Variants in RAPGEF2 observed in about 807,000 individuals in gnomAD.
The protein encoded by RAPGEF2 is Rap guanine nucleotide exchange factor 2, also known as PDZ domain containing guanine nucleotide exchange factor (GEF) 1.
In RAPGEF2, 54 loss-of-function variants were observed where a neutral mutation model predicts 186.7. The observed-to-expected ratio is 0.29, with a 90% CI of 0.23 to 0.36. The LOEUF is 0.36. Ranked by LOEUF, RAPGEF2 falls within the 10% of genes least tolerant of loss-of-function variation. The pLI is 1.00. For synonymous variants in RAPGEF2, 712 were observed against 705.9 expected, an observed-to-expected ratio of 1.01 and a Z score of -0.14; for missense variants, 1,532 against 2,045.0, an observed-to-expected ratio of 0.75 and a Z score of 4.84.
Position 159,357,964 on chromosome 4 carries a change from T to C in RAPGEF2, c.4958-150T>C, listed in dbSNP as rs116370226. The C allele has an allele frequency of 1.0e-3, 722 of 698,646 alleles. 5 individuals are homozygous for C. The African/African-American group carries it at 0.012, about 11-fold the overall frequency. 43.3% of individuals were successfully genotyped at this position (698,646 alleles called of 1,614,324 possible). A position where few individuals can be genotyped will look rare whatever the true frequency, so the allele number is the denominator to read the frequency against. Reference sequence around the variant, plus strand: ...AACCTTTTTGTTGTTCGTCATTGTTTAGGAAAAAAAGACAAGGATTCTAAG... The same window carrying C: ...AACCTTTTTGTTGTTCGTCATTGTTCAGGAAAAAAAGACAAGGATTCTAAG... On this transcript the variant is annotated intron_variant, in intron 29 of 29. Coordinates refer to ENST00000691494, the MANE Select transcript of RAPGEF2 (RefSeq NM_001394067.2).
Position 159,359,150 on chromosome 4 carries a change from TTTTTTTG to T in RAPGEF2, c.*1018_*1024del, listed in dbSNP as rs949605755. The T allele has an allele frequency of 2.9e-5, 1 of 35,000 alleles. No homozygotes were observed. The highest frequency in any genetic ancestry group is 9.0e-5 in the Non-Finnish European group (1 of 11,118). The allele number at this position is 35,000 out of a possible 1,614,324, so 2.2% of individuals were successfully genotyped here. The stretch of plus-strand genomic sequence containing the variant: ...TTAGAGGTGTAGGTTTTGTTTTTTG[TTTTTTTG>T]TTTTTTTTTAAGAGAAACATTTATA... On this transcript the variant is annotated 3_prime_UTR_variant, in exon 30 of 30. Transcript: ENST00000691494.
chr4:159,316,869 A>C (rs1284047550), intron 9 of RAPGEF2, among the ~76,000 whole-genome samples: 1 of 152,146 alleles, frequency 6.6e-6, no homozygotes, highest in African/African-American at 2.4e-5. Flanking sequence ...TTTGGATTTG[A>C]GTATGCCTCC....
At chr4:159,295,720 A>AGTGTGTGTGT (rs71589223) in intron 7 of RAPGEF2, among the ~76,000 whole-genome samples, 132 of 134,710 alleles carry the variant, frequency 9.8e-4, no homozygotes, top group Middle Eastern at 4.1e-3. Flanking sequence ...AGAGTGTGTG[A>AGTGTGTGTGT]GTGTGTGTGT....
intron 24 of RAPGEF2, 24 bp downstream of exon 24, chr4:159,345,353 G>T (rs368044661): frequency 1.7e-4 from 269 of 1,606,880 alleles, no homozygotes; most frequent in Non-Finnish European, 2.2e-4. Flanking sequence ...TAAAGTGGCT[G>T]CAGACTTTGG....
At chr4:159,286,775 A>G (rs879468940) in intron 7 of RAPGEF2, among the ~76,000 whole-genome samples, 1 of 152,214 alleles carries the variant, frequency 6.6e-6, no homozygotes, top group Non-Finnish European at 1.5e-5. Flanking sequence ...GATCTCAGCT[A>G]TAGGAGGTTT....
intron 3 of RAPGEF2, among the ~76,000 whole-genome samples, chr4:159,198,316 TTC>T (rs879298259): frequency 4.6e-4 from 23 of 49,930 alleles, no homozygotes; most frequent in East Asian, 1.3e-3. Flanking sequence ...CTTTCTTTCT[TTC>T]TTTCTTTCTT....
chr4:159,180,716 G>T (rs1041208355), intron 1 of RAPGEF2, among the ~76,000 whole-genome samples: 1 of 152,106 alleles, frequency 6.6e-6, no homozygotes, highest in Non-Finnish European at 1.5e-5. Flanking sequence ...ATAATGACAC[G>T]TTTGAAAGTA....
chr4:159,267,537 C>T (rs1467392380), intron 7 of RAPGEF2, among the ~76,000 whole-genome samples: 1 of 152,172 alleles, frequency 6.6e-6, no homozygotes, highest in African/African-American at 2.4e-5. Flanking sequence ...CACTGGTCAC[C>T]ACTCTGTCAG....
intron 4 of RAPGEF2, among the ~76,000 whole-genome samples, chr4:159,232,876 G>T (rs62337454): frequency 9.8e-4 from 149 of 152,180 alleles, no homozygotes; most frequent in Middle Eastern, 3.4e-3. Flanking sequence ...GGTGTGAAAT[G>T]GTATCTTATT....
chr4:159,259,694 A>G (rs1398114849), intron 7 of RAPGEF2, among the ~76,000 whole-genome samples: 1 of 152,200 alleles, frequency 6.6e-6, no homozygotes, highest in Admixed American at 6.5e-5. Flanking sequence ...ACAGTTGTCT[A>G]AAATTATTCA....
intron 1 of RAPGEF2, among the ~76,000 whole-genome samples, chr4:159,126,129 T>G (rs1428959765): frequency 6.6e-6 from 1 of 152,206 alleles, no homozygotes; most frequent in Non-Finnish European, 1.5e-5. Context: ...TATCCTCAAT[T>G]TTTATGTTTT....
At chr4:159,255,936 G>T (rs960492208) in intron 7 of RAPGEF2, among the ~76,000 whole-genome samples, 6 of 152,022 alleles carry the variant, frequency 3.9e-5, no homozygotes, top group African/African-American at 1.4e-4. Flanking sequence ...CAGAAAACAG[G>T]TTTTTTTATA....
At position 159,343,049 on chromosome 4, in the gene RAPGEF2, C is replaced by G. The variant is rs780382793; in HGVS notation, c.2989C>G (p.Leu997Val). The G allele has an allele frequency of 3.1e-6, 5 of 1,614,060 alleles. No individual in the cohort carries two copies. Among genetic ancestry groups the G allele is most frequent in the Non-Finnish European group, 3.4e-6 (4 of 1,179,962 alleles). ...WEKLPNKYEK[L>V]FQDLQDLFDP... ...GAAACTTCCCAATAAATACGAAAAA[C>G]TATTTCAAGATCTCCAAGACCTGTT... Residue 997 changes from leucine to valine, a missense_variant, in exon 21 of 30, where the codon CTA becomes GTA. This residue lies in a region of RAPGEF2 where 810 missense variants were observed against 1,210.5 expected (regional missense o/e 0.67). Coordinates refer to ENST00000691494, the MANE Select transcript of RAPGEF2 (RefSeq NM_001394067.2).
At position 159,351,000 on chromosome 4, in the gene RAPGEF2, A is replaced by AGTCTCTCCTGTCCTT; in HGVS notation, c.3865+714_3865+728dup. 4 of 1,461,330 alleles carry AGTCTCTCCTGTCCTT rather than the reference A, an allele frequency of 2.7e-6. No individual in the cohort carries two copies. In the South Asian group the frequency reaches 3.7e-5, roughly 13 times the overall value. 90.5% of individuals were successfully genotyped at this position (1,461,330 alleles called of 1,614,324 possible). On this transcript the variant is annotated intron_variant, in intron 26 of 29. Coordinates refer to ENST00000691494, the MANE Select transcript of RAPGEF2 (RefSeq NM_001394067.2). Reference sequence around the variant, plus strand: ...CATCTGTGCATTTTGTATGGGTATCAGTCTCTCCTGTCCTTGTTACATGGA... The same window carrying AGTCTCTCCTGTCCTT: ...CATCTGTGCATTTTGTATGGGTATCAGTCTCTCCTGTCCTTGTCTCTCCTGTCCTTGTTACATGGA...
In RAPGEF2 at chr4:159,339,001, A is replaced by G. The variant is rs1307945683; in HGVS notation, c.2294-113A>G. 13 of 1,296,770 alleles carry G rather than the reference A, an allele frequency of 1.0e-5. No homozygotes were observed. The Admixed American group carries it at 1.3e-4, about 13-fold the overall frequency. The allele number at this position is 1,296,770 out of a possible 1,614,324, so 80.3% of individuals were successfully genotyped here. A position where few individuals can be genotyped will look rare whatever the true frequency, so the allele number is the denominator to read the frequency against. On this transcript the variant is annotated intron_variant, in intron 18 of 29. Transcript: ENST00000691494. Reference sequence around the variant, plus strand: ...GGAAGACCTAGAGTAAGGGAGAGGTAAAAGTTCAGCATTGCTTTTTCTTAA... The same window carrying G: ...GGAAGACCTAGAGTAAGGGAGAGGTGAAAGTTCAGCATTGCTTTTTCTTAA...
intron 11 of RAPGEF2, among the ~76,000 whole-genome samples, chr4:159,325,716 G>A (rs925951878): frequency 3.3e-5 from 5 of 152,032 alleles, no homozygotes; most frequent in Admixed American, 2.6e-4. Flanking sequence ...AATTGTTTCA[G>A]GATAATTGAT....
At chr4:159,274,039 GC>G (rs1385875714) in intron 7 of RAPGEF2, among the ~76,000 whole-genome samples, 1 of 152,052 alleles carries the variant, frequency 6.6e-6, no homozygotes, top group African/African-American at 2.4e-5. Context: ...TGACCTGCCT[GC>G]CTTGGCCTCC....
intron 9 of RAPGEF2, among the ~76,000 whole-genome samples, chr4:159,316,905 A>G (rs993184591): frequency 6.6e-6 from 1 of 152,164 alleles, no homozygotes; most frequent in Non-Finnish European, 1.5e-5. Context: ...TTCTTCGAAC[A>G]CTGGAAATGA....
intron 4 of RAPGEF2, among the ~76,000 whole-genome samples, chr4:159,214,233 G>C (rs1579483347): frequency 6.6e-6 from 1 of 152,278 alleles, no homozygotes; most frequent in East Asian, 1.9e-4. Context: ...CTGTTGTAAG[G>C]TTGTGTGCTG....
Sources: allele counts gnomAD v4.1 joint callset (sites outside exome capture counted in the v4.1 genomes callset), GRCh38; gene constraint gnomAD v4.1.1; regional missense constraint gnomAD v4.1.1; transcripts MANE v1.5; gene names NCBI Gene and HGNC (gene_info 2026-07-23, HGNC 2026-07-21).